Variants in SPATS2L observed in about 807,000 individuals in gnomAD.
SPATS2L encodes spermatogenesis associated serine rich 2 like, also known as SPATS2-like protein.
SPATS2L carries 30 observed loss-of-function variants against 59.6 expected under a neutral mutation model. That is an observed-to-expected ratio of 0.50 (90% CI 0.38 to 0.68). The LOEUF is 0.68. Among genes scored for constraint, SPATS2L ranks in the 30% least tolerant of loss-of-function variants. The pLI is 0.00. For synonymous variants in SPATS2L, 252 were observed against 263.5 expected, an observed-to-expected ratio of 0.96 and a Z score of 0.42; for missense variants, 615 against 700.0, an observed-to-expected ratio of 0.88 and a Z score of 1.37.
chr2:200,363,628 G>A (rs1280928619), intron 2 of SPATS2L, among the ~76,000 whole-genome samples: 2 of 152,238 alleles, frequency 1.3e-5, no homozygotes, highest in African/African-American at 2.4e-5. Context: ...TTGGATTAAT[G>A]TAAGTGTACA....
intron 2 of SPATS2L, among the ~76,000 whole-genome samples, chr2:200,351,595 T>C (rs1228862005): frequency 6.6e-6 from 1 of 152,206 alleles, no homozygotes; most frequent in East Asian, 1.9e-4. Flanking sequence ...ACAAAGGGAT[T>C]CATCTAATAC....
At chr2:200,453,801 T>C (rs1274556588) in intron 8 of SPATS2L, among the ~76,000 whole-genome samples, 1 of 152,208 alleles carries the variant, frequency 6.6e-6, no homozygotes, top group Non-Finnish European at 1.5e-5. Flanking sequence ...TCTTTTCTTT[T>C]TAGTGAAAGA....
chr2:200,346,496 C>T (rs1333407258), intron 2 of SPATS2L, among the ~76,000 whole-genome samples: 1 of 152,160 alleles, frequency 6.6e-6, no homozygotes, highest in African/African-American at 2.4e-5. Flanking sequence ...GTTAACACTC[C>T]ATTTCAGTGA....
intron 2 of SPATS2L, among the ~76,000 whole-genome samples, chr2:200,354,984 T>C (rs935298400): frequency 3.3e-5 from 5 of 152,142 alleles, no homozygotes; most frequent in Admixed American, 6.6e-5. Context: ...TGAATGACTT[T>C]TTTTTTTAAT....
At chr2:200,462,743 C>T (rs1439056508) in intron 9 of SPATS2L, among the ~76,000 whole-genome samples, 1 of 152,036 alleles carries the variant, frequency 6.6e-6, no homozygotes, top group Non-Finnish European at 1.5e-5. Flanking sequence ...CATAGTAAGA[C>T]CCCATCTCTA....
At chr2:200,413,322 A>G (rs1245835612) in intron 4 of SPATS2L, among the ~76,000 whole-genome samples, 1 of 152,132 alleles carries the variant, frequency 6.6e-6, no homozygotes, top group Non-Finnish European at 1.5e-5. Flanking sequence ...TTTTTGCTTT[A>G]TTTTAAAAAT....
At chr2:200,356,987 A>G (rs2080938820) in intron 2 of SPATS2L, among the ~76,000 whole-genome samples, 1 of 152,190 alleles carries the variant, frequency 6.6e-6, no homozygotes, top group Non-Finnish European at 1.5e-5. Context: ...CACTCCCCCC[A>G]GCACTGCTGC....
intron 1 of SPATS2L, among the ~76,000 whole-genome samples, chr2:200,323,380 G>C (rs1208981633): frequency 6.6e-6 from 1 of 152,088 alleles, no homozygotes; most frequent in African/African-American, 2.4e-5. Flanking sequence ...ATAATGGCTT[G>C]AGCCATTATA....
At chr2:200,472,758 G>C in intron 11 of SPATS2L, 74 bp from the exon 12 acceptor site, 1 of 1,303,506 alleles carries the variant, frequency 7.7e-7, no homozygotes, top group South Asian at 1.2e-5. Context: ...TCATCTTCTA[G>C]CGCTTCCTAA....
chr2:200,328,371 G>A (rs2079824304), intron 1 of SPATS2L, among the ~76,000 whole-genome samples: 1 of 152,146 alleles, frequency 6.6e-6, no homozygotes, highest in Non-Finnish European at 1.5e-5. Flanking sequence ...CTAAATGAAG[G>A]GTTATATTTT....
chr2:200,474,507 T>C (rs2087349683), intron 12 of SPATS2L, among the ~76,000 whole-genome samples: 1 of 152,082 alleles, frequency 6.6e-6, no homozygotes, highest in Non-Finnish European at 1.5e-5. Context: ...AGATGGGGTT[T>C]TGTCATGTTG....
chr2:200,441,916 T>C (rs754758385), intron 8 of SPATS2L, among the ~76,000 whole-genome samples: 8 of 152,202 alleles, frequency 5.3e-5, no homozygotes, highest in Non-Finnish European at 1.0e-4. Context: ...AAACTGTGTG[T>C]AAAACTAAGA....
intron 1 of SPATS2L, among the ~76,000 whole-genome samples, chr2:200,328,777 AC>A (rs2079839848): frequency 6.6e-6 from 1 of 152,158 alleles, no homozygotes; most frequent in Non-Finnish European, 1.5e-5. Context: ...TTGACTTACG[AC>A]CTTGGCACCC....
At position 200,316,118 on chromosome 2, in the gene SPATS2L, G is replaced by A. The variant is rs181673242; in HGVS notation, c.-73+9196G>A. Among the ~76,000 whole-genome samples the A allele has an allele frequency of 1.2e-4, 18 of 152,226 alleles. No individual in the cohort carries two copies. In the East Asian group the frequency reaches 3.1e-3, roughly 26 times the overall value. Reference sequence around the variant, plus strand: ...ATAGGAAACCAGATCTTACCAGGTTGGATCAGGAAGGGGAACCCTCCTGGA... The same window carrying A: ...ATAGGAAACCAGATCTTACCAGGTTAGATCAGGAAGGGGAACCCTCCTGGA... On this transcript the variant is annotated intron_variant, in intron 1 of 12. Transcript: ENST00000409140.
intron 2 of SPATS2L, among the ~76,000 whole-genome samples, chr2:200,356,934 A>C (rs1411122327): frequency 6.6e-6 from 1 of 152,206 alleles, no homozygotes; most frequent in Admixed American, 6.5e-5. Flanking sequence ...TCCTGCAATA[A>C]GGACATTAAT....
At chr2:200,322,624 GACTT>G (rs1412851990) in intron 1 of SPATS2L, among the ~76,000 whole-genome samples, 4 of 152,166 alleles carry the variant, frequency 2.6e-5, no homozygotes, top group Non-Finnish European at 4.4e-5. Context: ...TCTCAAATCT[GACTT>G]ACAGTGTGTA....
chr2:200,424,492 A>G (rs2083447358), intron 6 of SPATS2L, among the ~76,000 whole-genome samples: 1 of 149,810 alleles, frequency 6.7e-6, no homozygotes, highest in Non-Finnish European at 1.5e-5. Context: ...CTATCACAAA[A>G]ACAAAAACAA....
At chr2:200,401,093 G>A (rs2082512412) in intron 3 of SPATS2L, among the ~76,000 whole-genome samples, 2 of 152,134 alleles carry the variant, frequency 1.3e-5, no homozygotes, top group Non-Finnish European at 2.9e-5. Flanking sequence ...TATTGCAGTG[G>A]CTCTCTGGGC....
At chr2:200,373,005 C>T (rs551966655) in intron 2 of SPATS2L, among the ~76,000 whole-genome samples, 6 of 152,224 alleles carry the variant, frequency 3.9e-5, no homozygotes, top group African/African-American at 1.4e-4. Context: ...TGACTGTGGT[C>T]AGTAAATGAT....
Sources: allele counts gnomAD v4.1 joint callset (sites outside exome capture counted in the v4.1 genomes callset), GRCh38; gene constraint gnomAD v4.1.1; transcripts MANE v1.5; gene names NCBI Gene and HGNC (gene_info 2026-07-23, HGNC 2026-07-21).